CHRNB3: variants seen among roughly 807,000 people sequenced by gnomAD.
The protein encoded by CHRNB3 is cholinergic receptor nicotinic beta 3 subunit, also known as neuronal acetylcholine receptor subunit beta-3.
In CHRNB3, 37 loss-of-function variants were observed where a neutral mutation model predicts 40.6. The ratio of observed to expected loss-of-function variants is 0.91; its 90% CI spans 0.70 to 1.20. The LOEUF (loss-of-function observed/expected upper bound fraction) is 1.20. CHRNB3 is among the 50% of genes most tolerant of loss of function. CHRNB3 has a pLI of 0.00. For synonymous variants in CHRNB3, 207 were observed against 207.1 expected (o/e 1.00, Z 0.00); for missense variants, 505 against 551.2 (o/e 0.92, Z 0.84).
intron 1 of CHRNB3, 37 bp downstream of exon 1, chr8:42,697,635 C>A (rs756803406): frequency 6.5e-7 from 1 of 1,539,946 alleles, no homozygotes; most frequent in East Asian, 2.2e-5. Context: ...ACTACAGTTG[C>A]AGAATTATTT....
intron 3 of CHRNB3, chr8:42,725,970 C>A: frequency 8.9e-7 from 1 of 1,123,190 alleles, no homozygotes; most frequent in Non-Finnish European, 1.3e-6. Context: ...CAACAAAGGC[C>A]AAGGAATGTT....
At chr8:42,704,768 G>T (rs765692350) in intron 1 of CHRNB3, among the ~76,000 whole-genome samples, 10 of 152,150 alleles carry the variant, frequency 6.6e-5, no homozygotes, top group Non-Finnish European at 1.0e-4. Context: ...CATCCATTGT[G>T]AGATGGTGTC....
Position 42,732,297 on chromosome 8 carries a change from C to G in CHRNB3, c.990C>G (p.Pro330=). Residue 330 remains proline (P), a synonymous_variant, in exon 5 of 6, where the codon CCC becomes CCG. Coordinates refer to ENST00000289957, the MANE Select transcript of CHRNB3 (RefSeq NM_000749.5). ...VHHRSSSTYH[P]MAPWVKRLFL... is the part of the protein sequence containing the mutation. Reference sequence around the variant, plus strand: ...ACAGATCTTCTTCCACGTACCACCCCATGGCCCCCTGGGTTAAGAGGCTCT... The same window carrying G: ...ACAGATCTTCTTCCACGTACCACCCGATGGCCCCCTGGGTTAAGAGGCTCT... The G allele has an allele frequency of 6.2e-7, 1 of 1,607,650 alleles. No individual in the cohort carries two copies. The highest frequency in any genetic ancestry group is 8.5e-7 in the Non-Finnish European group (1 of 1,178,182).
intron 3 of CHRNB3, among the ~76,000 whole-genome samples, chr8:42,714,376 C>T (rs896877185): frequency 6.6e-6 from 1 of 151,904 alleles, no homozygotes; most frequent in African/African-American, 2.4e-5. Context: ...GTGGTGGGCA[C>T]CTGCAGTCCC....
At chr8:42,732,618 T>C in intron 5 of CHRNB3, 69 bp downstream of exon 5, 1 of 1,380,118 alleles carries the variant, frequency 7.2e-7, no homozygotes, top group Non-Finnish European at 9.8e-7. Flanking sequence ...TTGACATCTG[T>C]TTACAATAAA....
chr8:42,703,458 A>ATATATATATATATG (rs1563606411), intron 1 of CHRNB3, among the ~76,000 whole-genome samples: 4 of 123,734 alleles, frequency 3.2e-5, no homozygotes, highest in Admixed American at 8.6e-5. Flanking sequence ...ATATATATAT[A>ATATATATATATATG]TATGTATCCA....
rs1270678261 is a variant in CHRNB3 at position 42,697,512 on chromosome 8, A to C, written c.-35A>C. The stretch of plus-strand genomic sequence containing the variant: ...CCAGTGGAAATGCTCTGTTGTTAAA[A>C]AGGAAGAAACTGTCTTTCTGAAACT... On this transcript the variant is annotated 5_prime_UTR_variant, in exon 1 of 6. Coordinates refer to ENST00000289957, the MANE Select transcript of CHRNB3 (RefSeq NM_000749.5). 3 of 1,595,000 alleles carry C rather than the reference A, an allele frequency of 1.9e-6. No individual in the cohort carries two copies. Among genetic ancestry groups the C allele is most frequent in the Middle Eastern group, 1.7e-4 (1 of 6,014 alleles).
At chr8:42,730,505 G>A in intron 3 of CHRNB3, 89 bp from the exon 4 acceptor site, 1 of 776,370 alleles carries the variant, frequency 1.3e-6, no homozygotes, top group South Asian at 2.2e-5. Flanking sequence ...TAAAACAGTG[G>A]CTTGGTAAAG....
intron 3 of CHRNB3, among the ~76,000 whole-genome samples, chr8:42,721,551 C>G (rs113831132): frequency 7.2e-5 from 11 of 152,156 alleles, no homozygotes; most frequent in African/African-American, 2.7e-4. Flanking sequence ...TGGCAAAACT[C>G]TGTCTCTACA....
chr8:42,708,579 T>C, intron 1 of CHRNB3, 138 bp from the exon 2 acceptor site: 2 of 838,560 alleles, frequency 2.4e-6, no homozygotes, highest in Non-Finnish European at 3.8e-6. Context: ...ATGCTCCAAG[T>C]TGCCTTTCAG....
In CHRNB3 at chr8:42,718,030, C is replaced by T. The variant is rs1816149017; in HGVS notation, c.249+7596C>T. On this transcript the variant is annotated intron_variant, in intron 3 of 5. Coordinates refer to ENST00000289957, the MANE Select transcript of CHRNB3 (RefSeq NM_000749.5). The stretch of plus-strand genomic sequence containing the variant: ...GTATTTTTAGTAAAGACAGTTTCGC[C>T]ATGTTGGCTAGGCTGGTCTGGAACT... 2.0e-5 allele frequency among the ~76,000 whole-genome samples: 3 copies of T among 150,532 alleles called. No individual in the cohort carries two copies. The South Asian group carries it at 6.3e-4, about 32-fold the overall frequency.
intron 5 of CHRNB3, among the ~76,000 whole-genome samples, chr8:42,734,706 AC>A (rs1468242957): frequency 6.6e-6 from 1 of 151,552 alleles, no homozygotes; most frequent in African/African-American, 2.4e-5. Context: ...GGCCTGAGCC[AC>A]TGCACCTGGC....
At position 42,736,572 on chromosome 8, in the gene CHRNB3, T is replaced by C; in HGVS notation, c.1331T>C (p.Leu444Pro). ...FLIVSVTGSV[L>P]IFTPALKMWL... ...ATAGTGTCAGTAACAGGCTCGGTTC[T>C]GATTTTTACCCCTGCTTTGAAGATG... The change falls in exon 6 of 6, where the codon CTG (leucine) becomes CCG (proline). Residue 444 changes from leucine (L) to proline (P), a missense_variant. By Grantham distance (98) the Leu-to-Pro change is moderately conservative. Transcript: ENST00000289957. 6.2e-7 allele frequency: 1 copy of C among 1,614,224 alleles called. No homozygotes were observed. Among genetic ancestry groups the C allele is most frequent in the Non-Finnish European group, 8.5e-7 (1 of 1,180,038 alleles).
intron 3 of CHRNB3, among the ~76,000 whole-genome samples, chr8:42,730,083 C>A (rs574121685): frequency 6.6e-6 from 1 of 152,072 alleles, no homozygotes; most frequent in African/African-American, 2.4e-5. Context: ...TTATTGGATA[C>A]AAGTTCTAAT....
intron 5 of CHRNB3, among the ~76,000 whole-genome samples, chr8:42,733,033 T>A: frequency 6.6e-6 from 1 of 152,056 alleles, no homozygotes. Context: ...TACAGATTTT[T>A]TTTTTTTAAG....
At chr8:42,734,215 C>T (rs1182712963) in intron 5 of CHRNB3, among the ~76,000 whole-genome samples, 36 of 130,548 alleles carry the variant, frequency 2.8e-4, no homozygotes, top group Admixed American at 6.7e-4. Context: ...GAGAGTGCAC[C>T]ACTGCACTCC....
intron 3 of CHRNB3, among the ~76,000 whole-genome samples, chr8:42,711,338 A>T (rs1244295393): frequency 6.6e-6 from 1 of 151,852 alleles, no homozygotes; most frequent in Admixed American, 6.6e-5. Flanking sequence ...AACTTGGTTT[A>T]ATTGCTTGTG....
At chr8:42,698,413 G>C (rs182024251) in intron 1 of CHRNB3, among the ~76,000 whole-genome samples, 6 of 152,308 alleles carry the variant, frequency 3.9e-5, no homozygotes, top group Admixed American at 3.3e-4. Flanking sequence ...CAGTTCACTA[G>C]CAATTTGTAT....
chr8:42,722,901 T>C (rs1010641122), intron 3 of CHRNB3, among the ~76,000 whole-genome samples: 1 of 152,108 alleles, frequency 6.6e-6, no homozygotes, highest in Non-Finnish European at 1.5e-5. Context: ...TTAACAGATA[T>C]TTTACTGTTA....
Sources: allele counts gnomAD v4.1 joint callset (sites outside exome capture counted in the v4.1 genomes callset), GRCh38; gene constraint gnomAD v4.1.1; transcripts MANE v1.5; gene names NCBI Gene and HGNC (gene_info 2026-07-23, HGNC 2026-07-21).